Variants in MLLT3 observed in about 807,000 individuals in gnomAD.
MLLT3 encodes protein AF-9.
MLLT3 carries 4 observed loss-of-function variants against 53.2 expected under a neutral mutation model. The observed-to-expected ratio is 0.08, with a 90% CI of 0.04 to 0.17. The LOEUF is 0.17. Ranked by LOEUF, MLLT3 falls within the 10% of genes least tolerant of loss-of-function variation. The pLI, the probability that MLLT3 is intolerant of heterozygous loss-of-function variation, is 1.00. For missense variants in MLLT3, 569 were observed against 684.0 expected (o/e 0.83, Z 1.87); for synonymous variants, 283 against 230.6 (o/e 1.23, Z -2.06).
At chr9:20,363,658 A>AGCCATATTAGAAACAG (rs1298955682) in intron 6 of MLLT3, 53 bp from the exon 7 acceptor site, 1 of 1,579,534 alleles carries the variant, frequency 6.3e-7, no homozygotes, top group Non-Finnish European at 8.6e-7. Flanking sequence ...AAACACACTT[A>AGCCATATTAGAAACAG]GCCATATTAG....
At chr9:20,467,404 C>T (rs1464432693) in intron 2 of MLLT3, among the ~76,000 whole-genome samples, 1 of 152,062 alleles carries the variant, frequency 6.6e-6, no homozygotes, top group African/African-American at 2.4e-5. Context: ...ATGGTGAAAC[C>T]CCGTCTCTAC....
intron 6 of MLLT3, 144 bp downstream of exon 6, chr9:20,365,525 G>A (rs1269259884): frequency 4.4e-6 from 4 of 915,052 alleles, no homozygotes; most frequent in African/African-American, 3.3e-5. Flanking sequence ...TTTTAGTAGA[G>A]ACGTTTACTA....
chr9:20,534,212 T>C (rs1437946709), intron 2 of MLLT3, among the ~76,000 whole-genome samples: 2 of 152,246 alleles, frequency 1.3e-5, no homozygotes, highest in Non-Finnish European at 1.5e-5. Flanking sequence ...TTGTAAGTCA[T>C]GTCTTCGGAA....
At chr9:20,357,108 A>C (rs1821189277) in intron 8 of MLLT3, among the ~76,000 whole-genome samples, 1 of 152,264 alleles carries the variant, frequency 6.6e-6, no homozygotes, top group African/African-American at 2.4e-5. Context: ...CTTGTCTTCC[A>C]CAGGCTTATT....
In MLLT3 at chr9:20,512,696, T is replaced by G. The variant is rs150869144; in HGVS notation, c.194-55910A>C. On this transcript the variant is annotated intron_variant, in intron 2 of 10. Coordinates refer to ENST00000380338, the MANE Select transcript of MLLT3 (RefSeq NM_004529.4). ...TTTTTGGTTTTTTAATGCAGCTGAT[T>G]TTATTTTCAAGAAACTTTGTTCCCA... 1.5e-3 allele frequency among the ~76,000 whole-genome samples: 233 copies of G among 152,316 alleles called. 6 individuals are homozygous for G. In the East Asian group the frequency reaches 0.041, roughly 27 times the overall value.
intron 2 of MLLT3, among the ~76,000 whole-genome samples, chr9:20,479,300 C>T (rs1481597834): frequency 6.6e-6 from 1 of 152,120 alleles, no homozygotes; most frequent in African/African-American, 2.4e-5. Context: ...AAGGCAATTA[C>T]TGTGAAGGGG....
intron 5 of MLLT3, among the ~76,000 whole-genome samples, chr9:20,385,949 T>C (rs1174375202): frequency 6.6e-6 from 1 of 152,180 alleles, no homozygotes; most frequent in African/African-American, 2.4e-5. Context: ...CAATCTGCCT[T>C]CTGAGATATT....
At chr9:20,520,258 A>C (rs1361345239) in intron 2 of MLLT3, among the ~76,000 whole-genome samples, 3 of 152,104 alleles carry the variant, frequency 2.0e-5, no homozygotes, top group African/African-American at 7.2e-5. Context: ...TACTAGGCTT[A>C]TACCTGGGTG....
At chr9:20,571,461 T>G (rs1563823590) in intron 2 of MLLT3, among the ~76,000 whole-genome samples, 2 of 152,046 alleles carry the variant, frequency 1.3e-5, no homozygotes, top group East Asian at 3.8e-4. Context: ...TTTACTATAC[T>G]TTAAGTTCTG....
At chr9:20,385,079 C>T (rs960064847) in intron 5 of MLLT3, among the ~76,000 whole-genome samples, 2 of 152,022 alleles carry the variant, frequency 1.3e-5, no homozygotes, top group Non-Finnish European at 2.9e-5. Flanking sequence ...ATTAATAAAT[C>T]CTACCATAAG....
intron 2 of MLLT3, among the ~76,000 whole-genome samples, chr9:20,480,611 G>A (rs535188207): frequency 1.3e-5 from 2 of 152,260 alleles, no homozygotes; most frequent in Admixed American, 1.3e-4. Flanking sequence ...TAGGTCTTCC[G>A]AGCTAGGCAC....
intron 2 of MLLT3, among the ~76,000 whole-genome samples, chr9:20,562,125 C>T (rs776912873): frequency 6.6e-6 from 1 of 152,102 alleles, no homozygotes; most frequent in East Asian, 1.9e-4. Flanking sequence ...TAAAGCCATG[C>T]ATGTCAACAT....
intron 2 of MLLT3, among the ~76,000 whole-genome samples, chr9:20,585,239 C>T (rs1457632267): frequency 2.0e-5 from 3 of 152,108 alleles, no homozygotes; most frequent in African/African-American, 7.2e-5. Context: ...AACCGGGGGG[C>T]AGGCAGGCCT....
chr9:20,402,142 G>A (rs1336705057), intron 5 of MLLT3, among the ~76,000 whole-genome samples: 1 of 152,124 alleles, frequency 6.6e-6, no homozygotes, highest in East Asian at 1.9e-4. Context: ...ACAGAGTCAA[G>A]GAATCAAGCA....
chr9:20,442,025 G>C (rs1378541931), intron 4 of MLLT3, among the ~76,000 whole-genome samples: 1 of 152,160 alleles, frequency 6.6e-6, no homozygotes, highest in East Asian at 1.9e-4. Flanking sequence ...TGTGGGAAGA[G>C]TACCCATAAA....
chr9:20,436,085 C>G (rs1823394916), intron 4 of MLLT3, among the ~76,000 whole-genome samples: 1 of 152,146 alleles, frequency 6.6e-6, no homozygotes, highest in Non-Finnish European at 1.5e-5. Flanking sequence ...CACAATACCC[C>G]ATGGCTTACT....
At chr9:20,456,561 A>G in intron 3 of MLLT3, 143 bp downstream of exon 3, 1 of 625,112 alleles carries the variant, frequency 1.6e-6, no homozygotes, top group Non-Finnish European at 2.8e-6. Flanking sequence ...GGGTAATGAT[A>G]GCCAAAATTC....
chr9:20,455,514 T>C (rs1312171743), intron 3 of MLLT3, among the ~76,000 whole-genome samples: 4 of 152,276 alleles, frequency 2.6e-5, no homozygotes, highest in Admixed American at 2.6e-4. Flanking sequence ...TACATCTGGG[T>C]AGAATTTGAG....
rs1490423043 is a variant in MLLT3 at position 20,493,756 on chromosome 9, C to T, written c.194-36970G>A. ...GAAACTATGAAAAATAGGATAATTA[C>T]AATTCTAAAAAACTGAAAAATACTA... On this transcript the variant is annotated intron_variant, in intron 2 of 10. Coordinates refer to ENST00000380338, the MANE Select transcript of MLLT3 (RefSeq NM_004529.4). Among the ~76,000 whole-genome samples the T allele has an allele frequency of 2.6e-5, 4 of 152,104 alleles. No individual in the cohort carries two copies. In the East Asian group the frequency reaches 7.7e-4, roughly 29 times the overall value.
Sources: gnomAD v4.1 joint callset for allele counts (sites outside exome capture counted in the v4.1 genomes callset) on GRCh38, gnomAD v4.1.1 for gene constraint, MANE v1.5 for transcripts, NCBI Gene and HGNC (gene_info 2026-07-23, HGNC 2026-07-21) for gene names.